The following THAP4 variants were observed in gnomAD, a reference collection of about 807,000 sequenced individuals.
THAP4 encodes the protein peroxynitrite isomerase THAP4.
A neutral mutation model predicts 48.1 loss-of-function variants in THAP4; 18 were observed. The ratio of observed to expected loss-of-function variants is 0.37; its 90% confidence interval spans 0.26 to 0.56. The LOEUF is 0.56. Among genes scored for constraint, THAP4 ranks in the 20% least tolerant of loss-of-function variants. THAP4 has a pLI of 0.78. For synonymous variants in THAP4, 345 were observed against 324.9 expected, an observed-to-expected ratio of 1.06 and a Z score of -0.66; for missense variants, 656 against 774.9, an observed-to-expected ratio of 0.85 and a Z score of 1.82.
intron 2 of THAP4, among the ~76,000 whole-genome samples, chr2:241,626,000 C>T (rs1394883983): frequency 1.3e-5 from 2 of 152,024 alleles, no homozygotes; most frequent in Non-Finnish European, 1.5e-5. Context: ...TAACGTAACC[C>T]GTCACATCAA....
chr2:241,588,823 T>C (rs1220647266), intron 5 of THAP4, among the ~76,000 whole-genome samples: 2 of 152,040 alleles, frequency 1.3e-5, no homozygotes, highest in Admixed American at 6.6e-5. Context: ...TTGAAGAAAA[T>C]GCAGGTGAAA....
chr2:241,618,884 T>A (rs188445223), intron 2 of THAP4, among the ~76,000 whole-genome samples: 7 of 151,356 alleles, frequency 4.6e-5, no homozygotes, highest in Admixed American at 4.6e-4. Flanking sequence ...CACCTTGAAA[T>A]GAGCCCAGAG....
At chr2:241,605,722 C>CT (rs71049590) in intron 3 of THAP4, among the ~76,000 whole-genome samples, 17,515 of 147,394 alleles carry the variant, frequency 0.12, 1,230 homozygotes, top group East Asian at 0.16. Flanking sequence ...TAATTTTTTT[C>CT]TTTTTTTTTT....
intron 3 of THAP4, among the ~76,000 whole-genome samples, chr2:241,605,082 T>C (rs2067162494): frequency 1.3e-5 from 2 of 152,262 alleles, no homozygotes; most frequent in South Asian, 2.1e-4. Context: ...TTATAATCTA[T>C]AGTTTAAAAA....
Position 241,633,020 on chromosome 2 carries a change from C to G in THAP4, c.1137G>C (p.Arg379Ser), listed in dbSNP as rs772530522. ...GCACCTGGCTGTCGGAGCGGCTGAC[C>G]CTCTGCCGCAGGCTCTTCAGCTCGC... ...KNGELKSLRQRVSRSDSQVRK... is the reference protein window; with the variant it reads ...KNGELKSLRQSVSRSDSQVRK... Residue 379 changes from arginine to serine, a missense_variant, in exon 2 of 6, where the codon AGG becomes AGC. By Grantham distance (110) the Arg-to-Ser change is moderately radical. Coordinates refer to ENST00000407315, the MANE Select transcript of THAP4 (RefSeq NM_015963.6). The surrounding 1 kb of genome is among the most constrained non-coding windows in gnomAD (Gnocchi z 7.5). 6.2e-7 allele frequency: 1 copy of G among 1,613,780 alleles called. No homozygotes were observed. Among genetic ancestry groups the G allele is most frequent in the Non-Finnish European group, 8.5e-7 (1 of 1,179,988 alleles).
At chr2:241,595,449 C>T (rs1489478765) in intron 5 of THAP4, among the ~76,000 whole-genome samples, 1 of 152,034 alleles carries the variant, frequency 6.6e-6, no homozygotes, top group African/African-American at 2.4e-5. Context: ...ACCAGCCTGA[C>T]CACCATGGAG....
rs1353650984 is a variant in THAP4 at position 241,610,886 on chromosome 2, C to CCAGAGA, written c.1241-4419_1241-4414dup. ...CACGGGGATGGGGCCAGAGACGGGG[C>CCAGAGA]CAGAGACAGAGACACAGAAAGGGAT... On this transcript the variant is annotated intron_variant, in intron 2 of 5. Coordinates refer to ENST00000407315, the MANE Select transcript of THAP4 (RefSeq NM_015963.6). This position sits in a 1 kb window ranked among gnomAD's most constrained non-coding sequence, Gnocchi z 4.2. Among the ~76,000 whole-genome samples, 5 of 151,802 alleles carry CCAGAGA rather than the reference C, an allele frequency of 3.3e-5. No homozygotes were observed. The highest frequency in any genetic ancestry group is 1.2e-4 in the African/African-American group (5 of 41,304).
In THAP4 at chr2:241,585,732, C is replaced by G. The variant is rs546227599; in HGVS notation, c.1615-1007G>C. Among the ~76,000 whole-genome samples, 7 of 151,734 alleles carry G rather than the reference C, an allele frequency of 4.6e-5. No individual in the cohort carries two copies. In the East Asian group the frequency reaches 1.4e-3, roughly 30 times the overall value. On this transcript the variant is annotated intron_variant, in intron 5 of 5. Coordinates refer to ENST00000407315, the MANE Select transcript of THAP4 (RefSeq NM_015963.6). ...ACTCATGGAGCTGGAGGGACAAACA[C>G]TGGAATTCAGTGTCCATCTAGGAGG...
intron 5 of THAP4, among the ~76,000 whole-genome samples, chr2:241,596,429 C>T (rs1395234663): frequency 5.6e-5 from 8 of 141,724 alleles, no homozygotes; most frequent in African/African-American, 2.1e-4. Flanking sequence ...ACCACTTGAA[C>T]CTGGGAGGCA....
chr2:241,603,730 T>C (rs2067146231), intron 3 of THAP4, among the ~76,000 whole-genome samples: 1 of 152,196 alleles, frequency 6.6e-6, no homozygotes, highest in Admixed American at 6.5e-5. Flanking sequence ...TCTAATCAAT[T>C]CCTACGGTAA....
intron 2 of THAP4, among the ~76,000 whole-genome samples, chr2:241,624,714 C>T (rs571530928): frequency 6.6e-6 from 1 of 152,286 alleles, no homozygotes; most frequent in South Asian, 2.1e-4. Flanking sequence ...TACCCCATTC[C>T]TCTTCCTGCA....
chr2:241,610,317 C>T lies in THAP4; in HGVS notation c.1241-3844G>A, dbSNP rs537608834. Among the ~76,000 whole-genome samples, 84 of 152,254 alleles carry T rather than the reference C, an allele frequency of 5.5e-4. No homozygotes were observed. Among genetic ancestry groups the T allele is most frequent in the African/African-American group, 1.9e-3 (79 of 41,562 alleles). On this transcript the variant is annotated intron_variant, in intron 2 of 5. Coordinates refer to ENST00000407315, the MANE Select transcript of THAP4 (RefSeq NM_015963.6). The surrounding 1 kb of genome is among the most constrained non-coding windows in gnomAD (Gnocchi z 4.2). ...AGCCCCGCCTCAGGCGCCGCATCTC[C>T]GCCCTCTCTTGCGCCTGCGGGACCG...
chr2:241,602,633 T>C (rs1298863929), intron 4 of THAP4, among the ~76,000 whole-genome samples: 1 of 152,242 alleles, frequency 6.6e-6, no homozygotes, highest in Non-Finnish European at 1.5e-5. Flanking sequence ...CCCAAAGTGC[T>C]GGGATTACAG....
chr2:241,585,909 T>G, intron 5 of THAP4, among the ~76,000 whole-genome samples: 3 of 78,072 alleles, frequency 3.8e-5, no homozygotes, highest in African/African-American at 5.5e-5. Flanking sequence ...CAAGACTCCT[T>G]CTCAAAAAAA....
At chr2:241,636,628 C>T (rs906921982) in intron 1 of THAP4, among the ~76,000 whole-genome samples, 3 of 152,180 alleles carry the variant, frequency 2.0e-5, no homozygotes, top group Non-Finnish European at 4.4e-5. Context: ...AGTCAGCAGT[C>T]GCGGCCGAGC....
chr2:241,613,950 G>A (rs930814151), intron 2 of THAP4, among the ~76,000 whole-genome samples: 1 of 152,072 alleles, frequency 6.6e-6, no homozygotes, highest in Middle Eastern at 3.4e-3. Context: ...CCAGAAATTC[G>A]AGACCAGCCT....
chr2:241,603,239 TC>T (rs2067140823), intron 3 of THAP4, among the ~76,000 whole-genome samples, 160 bp from the exon 4 acceptor site: 1 of 152,042 alleles, frequency 6.6e-6, no homozygotes, highest in African/African-American at 2.4e-5. Flanking sequence ...TTTGGCTGTG[TC>T]TGTCTTACCT....
At chr2:241,627,233 T>C (rs1176175463) in intron 2 of THAP4, among the ~76,000 whole-genome samples, 1 of 152,246 alleles carries the variant, frequency 6.6e-6, no homozygotes, top group Non-Finnish European at 1.5e-5. Flanking sequence ...GTTTTGTACT[T>C]GGATTTTGAC....
intron 5 of THAP4, among the ~76,000 whole-genome samples, chr2:241,594,128 C>T (rs2067020893): frequency 6.6e-6 from 1 of 152,228 alleles, no homozygotes; most frequent in African/African-American, 2.4e-5. Context: ...AAGTTGGATA[C>T]ACTCTGGAAA....
Sources: allele counts gnomAD v4.1 joint callset (sites outside exome capture counted in the v4.1 genomes callset), GRCh38; gene constraint gnomAD v4.1.1; non-coding constraint Gnocchi (gnomAD v3.1); transcripts MANE v1.5; gene names NCBI Gene and HGNC (gene_info 2026-07-23, HGNC 2026-07-21).